The following RICTOR variants were observed in gnomAD, a reference collection of about 807,000 sequenced individuals.
RICTOR encodes RPTOR independent companion of MTOR complex 2, also known as rapamycin-insensitive companion of mTOR.
Under a neutral mutation model 214.9 loss-of-function variants are expected in RICTOR, and 49 were observed. The ratio of observed to expected loss-of-function variants is 0.23; its 90% confidence interval spans 0.18 to 0.29. The LOEUF is 0.29. Ranked by LOEUF, RICTOR falls within the 10% of genes least tolerant of loss-of-function variation. The pLI is 1.00. For synonymous variants in RICTOR, 717 were observed against 711.3 expected, an observed-to-expected ratio of 1.01 and a Z score of -0.13; for missense variants, 1,625 against 2,047.0, an observed-to-expected ratio of 0.79 and a Z score of 3.98.
At chr5:39,013,626 C>T (rs1043714729) in intron 3 of RICTOR, among the ~76,000 whole-genome samples, 6 of 151,982 alleles carry the variant, frequency 3.9e-5, no homozygotes, top group Non-Finnish European at 7.4e-5. Context: ...GCAAAAGAAA[C>T]AACAACCCTA....
intron 3 of RICTOR, among the ~76,000 whole-genome samples, chr5:39,004,889 C>T (rs1386435352): frequency 6.7e-6 from 1 of 150,180 alleles, no homozygotes. Flanking sequence ...TCAAGCGATT[C>T]CCCTGCTTCA....
intron 2 of RICTOR, among the ~76,000 whole-genome samples, chr5:39,021,730 C>T (rs765381797): frequency 2.6e-5 from 4 of 152,060 alleles, no homozygotes; most frequent in Non-Finnish European, 5.9e-5. Context: ...ACTTCCCTGC[C>T]TCCAGAACTG....
chr5:39,067,314 T>C (rs974200951), intron 2 of RICTOR, among the ~76,000 whole-genome samples: 3 of 152,042 alleles, frequency 2.0e-5, no homozygotes, highest in African/African-American at 7.3e-5. Context: ...GTGCACACTT[T>C]TAAACAACCA....
chr5:38,999,790 CTAGACA>C (rs1313787755), intron 5 of RICTOR, among the ~76,000 whole-genome samples: 2 of 151,826 alleles, frequency 1.3e-5, no homozygotes, highest in African/African-American at 4.8e-5. Context: ...TAATAAACCA[CTAGACA>C]TAAATAGTCT....
intron 2 of RICTOR, among the ~76,000 whole-genome samples, chr5:39,032,862 G>A (rs972247614): frequency 2.6e-5 from 4 of 152,198 alleles, no homozygotes; most frequent in Admixed American, 1.3e-4. Context: ...AACCTGGCAT[G>A]CCGTTTATTT....
At chr5:38,999,027 C>CAAAAAAAAAAAA (rs1186312478) in intron 5 of RICTOR, among the ~76,000 whole-genome samples, 34 of 25,316 alleles carry the variant, frequency 1.3e-3, no homozygotes, top group African/African-American at 2.2e-3. Flanking sequence ...AACAAACAGG[C>CAAAAAAAAAAAA]AAAAAAAAAA....
intron 36 of RICTOR, 87 bp downstream of exon 36, chr5:38,944,359 A>C: frequency 7.4e-7 from 1 of 1,349,086 alleles, no homozygotes; most frequent in Non-Finnish European, 1.0e-6. Flanking sequence ...TAAGTTAACT[A>C]GCCTAACTTT....
At chr5:39,019,777 T>C (rs1478732034) in intron 3 of RICTOR, among the ~76,000 whole-genome samples, 1 of 152,234 alleles carries the variant, frequency 6.6e-6, no homozygotes, top group African/African-American at 2.4e-5. Flanking sequence ...TTTCAAGTTT[T>C]ATTTTAATGA....
chr5:39,016,622 A>G (rs1370653834), intron 3 of RICTOR, among the ~76,000 whole-genome samples: 1 of 152,162 alleles, frequency 6.6e-6, no homozygotes, highest in Non-Finnish European at 1.5e-5. Context: ...CCTGGGACCT[A>G]GACAGAAATA....
intron 6 of RICTOR, among the ~76,000 whole-genome samples, chr5:38,991,523 C>T (rs1752775057): frequency 2.6e-5 from 2 of 77,978 alleles, no homozygotes; most frequent in Admixed American, 3.3e-4. Flanking sequence ...ATCTCTACTC[C>T]CCTCTCCTCA....
rs1264752718 is a variant in RICTOR, at chr5:38,940,231, T to TGGTG, written c.*2069_*2072dup. ...CAAGGTGAGGGTACAGGGATAGTGATGGTGGGGGAGGGGGTGTGTGTGTGT... is the reference window on the plus strand; with the variant it reads ...CAAGGTGAGGGTACAGGGATAGTGATGGTGGGTGGGGGAGGGGGTGTGTGTGTGT... On this transcript the variant is annotated 3_prime_UTR_variant, in exon 38 of 38. Transcript: ENST00000357387. 8.7e-6 allele frequency: 2 copies of TGGTG among 229,120 alleles called. No individual in the cohort carries two copies. The highest frequency in any genetic ancestry group is 4.5e-5 in the African/African-American group (2 of 44,558). The allele number at this position is 229,120 out of a possible 1,614,324, so 14.2% of individuals were successfully genotyped here.
intron 27 of RICTOR, among the ~76,000 whole-genome samples, chr5:38,954,209 A>G (rs1160792859): frequency 6.6e-6 from 1 of 152,002 alleles, no homozygotes; most frequent in Non-Finnish European, 1.5e-5. Flanking sequence ...TTCTAAAATA[A>G]GAGAAACGTT....
rs372718468 is a variant in RICTOR, at chr5:39,046,468, T to A, written c.98-25332A>T. 7.8e-3 allele frequency among the ~76,000 whole-genome samples: 1,162 copies of A among 148,236 alleles called. 22 individuals carry two copies. Among genetic ancestry groups the A allele is most frequent in the African/African-American group, 0.028 (1,132 of 39,846 alleles). On this transcript the variant is annotated intron_variant, in intron 2 of 37. Transcript: ENST00000357387. ...TTTTTTTTTTTTGCCAAATCTGAGA[T>A]GCAACTGAATTTATTCTTACCTCAT...
chr5:38,965,865 A>G (rs1186178537), intron 15 of RICTOR, among the ~76,000 whole-genome samples: 1 of 152,188 alleles, frequency 6.6e-6, no homozygotes, highest in African/African-American at 2.4e-5. Context: ...TAAAAATAGC[A>G]AACTGTGACA....
At chr5:38,979,371 C>A (rs972965480) in intron 8 of RICTOR, among the ~76,000 whole-genome samples, 4 of 152,126 alleles carry the variant, frequency 2.6e-5, no homozygotes, top group African/African-American at 9.7e-5. Context: ...AATTTTAGTT[C>A]TAAATATAAT....
At chr5:39,074,071 A>G in intron 2 of RICTOR, 40 bp downstream of exon 2, 1 of 1,512,662 alleles carries the variant, frequency 6.6e-7, no homozygotes, top group South Asian at 1.2e-5. Context: ...GCTCCTCCCC[A>G]GCAGCGCGCC....
intron 2 of RICTOR, among the ~76,000 whole-genome samples, chr5:39,054,887 A>G (rs954375317): frequency 6.6e-6 from 1 of 152,238 alleles, no homozygotes; most frequent in African/African-American, 2.4e-5. Context: ...ACTTACAAGG[A>G]AATCTATTAA....
intron 3 of RICTOR, among the ~76,000 whole-genome samples, chr5:39,008,306 G>C (rs904390391): frequency 3.3e-5 from 5 of 151,996 alleles, no homozygotes; most frequent in African/African-American, 1.2e-4. Flanking sequence ...TCTAGGAATA[G>C]TTTTATATAT....
At chr5:38,990,587 TGATATATAC>T (rs1193855824) in intron 7 of RICTOR, among the ~76,000 whole-genome samples, 1 of 83,000 alleles carries the variant, frequency 1.2e-5, no homozygotes, top group African/African-American at 4.8e-5. Flanking sequence ...GATATATACA[TGATATATAC>T]GATATATATG....
Sources: allele counts gnomAD v4.1 joint callset (sites outside exome capture counted in the v4.1 genomes callset), GRCh38; gene constraint gnomAD v4.1.1; transcripts MANE v1.5; gene names NCBI Gene and HGNC (gene_info 2026-07-23, HGNC 2026-07-21).